Variants in KIF21A observed in about 807,000 individuals in gnomAD.
KIF21A encodes the protein kinesin family member 21A, also known as kinesin-like protein KIF21A.
A neutral mutation model predicts 202.9 loss-of-function variants in KIF21A; 114 were observed. The observed-to-expected ratio is 0.56, with a 90% confidence interval of 0.48 to 0.66. KIF21A has a LOEUF of 0.66. KIF21A is among the 30% of genes least tolerant of loss of function. The probability of loss-of-function intolerance (pLI) is 0.00; values close to 1 mark genes in which losing one functional copy is unlikely to be tolerated. For synonymous variants in KIF21A, 667 were observed against 670.8 expected (o/e 0.99, Z 0.09); for missense variants, 1,677 against 1,994.9 (o/e 0.84, Z 3.04).
intron 16 of KIF21A, among the ~76,000 whole-genome samples, chr12:39,338,059 T>C (rs1468852873): frequency 2.6e-5 from 4 of 152,128 alleles, no homozygotes; most frequent in South Asian, 4.1e-4. Flanking sequence ...GGCAAGCCCT[T>C]GAGAAGATAT....
intron 26 of KIF21A, among the ~76,000 whole-genome samples, chr12:39,324,104 T>C (rs919663904): frequency 1.3e-5 from 2 of 151,470 alleles, no homozygotes; most frequent in Admixed American, 6.6e-5. Context: ...AGCAAGACTC[T>C]GCCTCAAAAA....
intron 24 of KIF21A, among the ~76,000 whole-genome samples, chr12:39,326,554 G>C (rs559999389): frequency 6.6e-6 from 1 of 152,218 alleles, no homozygotes; most frequent in Non-Finnish European, 1.5e-5. Flanking sequence ...CCATGACTTT[G>C]AATGGTAAAC....
intron 1 of KIF21A, among the ~76,000 whole-genome samples, chr12:39,430,752 T>G (rs1937772891): frequency 6.6e-6 from 1 of 152,144 alleles, no homozygotes; most frequent in African/African-American, 2.4e-5. Flanking sequence ...ATTAGAAACT[T>G]AATCCCCAAA....
chr12:39,355,709 A>ATATATATATATATATATATATATG, intron 10 of KIF21A, among the ~76,000 whole-genome samples: 1 of 69,796 alleles, frequency 1.4e-5, no homozygotes, highest in Non-Finnish European at 3.0e-5. Flanking sequence ...ATGAACAATT[A>ATATATATATATATATATATATATG]TATATATATA....
intron 9 of KIF21A, 93 bp downstream of exon 9, chr12:39,357,155 C>CT (rs1948836408): frequency 9.1e-7 from 1 of 1,101,320 alleles, no homozygotes. Context: ...ACTGGCATTT[C>CT]TATTTCAACT....
At chr12:39,345,171 G>A (rs1463924799) in intron 12 of KIF21A, among the ~76,000 whole-genome samples, 1 of 152,178 alleles carries the variant, frequency 6.6e-6, no homozygotes, top group Non-Finnish European at 1.5e-5. Context: ...TGCTTTTGCT[G>A]TCCTTCAGGG....
At chr12:39,384,367 T>A (rs1465204983) in intron 1 of KIF21A, among the ~76,000 whole-genome samples, 1 of 152,174 alleles carries the variant, frequency 6.6e-6, no homozygotes, top group East Asian at 1.9e-4. Context: ...AAGTCAAATA[T>A]CTTCACACAA....
rs768325842 is a variant in KIF21A at position 39,294,567 on chromosome 12, A to G, written c.4932-50T>C. The stretch of plus-strand genomic sequence containing the variant: ...GATATATGAACAAGGGCAGAAAGAT[A>G]AAGAAATAGCTCTTATAATTACTTA... On this transcript the variant is annotated intron_variant, in intron 37 of 37. Transcript: ENST00000361418. The G allele has an allele frequency of 3.0e-6, 4 of 1,327,568 alleles. No individual in the cohort carries two copies. In the Admixed American group the frequency reaches 5.0e-5, roughly 17 times the overall value. The allele number at this position is 1,327,568 out of a possible 1,614,324, so 82.2% of individuals were successfully genotyped here.
intron 10 of KIF21A, among the ~76,000 whole-genome samples, chr12:39,353,990 G>A (rs923329930): frequency 6.6e-6 from 1 of 152,054 alleles, no homozygotes; most frequent in Non-Finnish European, 1.5e-5. Flanking sequence ...CACACTGAGG[G>A]CTTGCATGCC....
intron 1 of KIF21A, among the ~76,000 whole-genome samples, chr12:39,421,201 C>T (rs1954223326): frequency 6.6e-6 from 1 of 152,200 alleles, no homozygotes; most frequent in Non-Finnish European, 1.5e-5. Flanking sequence ...ACATGCTACA[C>T]AGGTTTGTAG....
chr12:39,348,812 A>G (rs1202311163), intron 11 of KIF21A, among the ~76,000 whole-genome samples: 2 of 151,942 alleles, frequency 1.3e-5, no homozygotes, highest in Non-Finnish European at 2.9e-5. Context: ...ACAAACAGAA[A>G]AAAAACCTTT....
chr12:39,383,834 T>C (rs1448632460), intron 1 of KIF21A, among the ~76,000 whole-genome samples: 1 of 152,094 alleles, frequency 6.6e-6, no homozygotes, highest in African/African-American at 2.4e-5. Flanking sequence ...TAAAAATATA[T>C]ATTATTAAAA....
At chr12:39,429,434 T>C (rs1442100733) in intron 1 of KIF21A, among the ~76,000 whole-genome samples, 1 of 152,192 alleles carries the variant, frequency 6.6e-6, no homozygotes, top group Non-Finnish European at 1.5e-5. Context: ...TTATCAAATA[T>C]AAATGCACTA....
chr12:39,307,163 G>A (rs1943556252), intron 34 of KIF21A, among the ~76,000 whole-genome samples: 1 of 151,750 alleles, frequency 6.6e-6, no homozygotes, highest in South Asian at 2.1e-4. Flanking sequence ...GCCCAAAGTT[G>A]TTAATTTTAT....
chr12:39,299,696 C>A (rs1942779548), intron 37 of KIF21A, among the ~76,000 whole-genome samples: 1 of 152,172 alleles, frequency 6.6e-6, no homozygotes, highest in Admixed American at 6.5e-5. Flanking sequence ...GACATGGAAT[C>A]AACCTAAATG....
In KIF21A at chr12:39,421,415, G is replaced by A. The variant is rs192186198; in HGVS notation, c.44+21512C>T. On this transcript the variant is annotated intron_variant, in intron 1 of 37. Transcript: ENST00000361418. ...TTAAAAATATGATAGGCAGATGGCC[G>A]AGCGCAGTGGCTCAAGCCTGTAATC... Among the ~76,000 whole-genome samples, 681 of 152,242 alleles carry A rather than the reference G, an allele frequency of 4.5e-3. 3 individuals are homozygous for A. The highest frequency in any genetic ancestry group is 7.3e-3 in the Non-Finnish European group (498 of 68,026).
intron 1 of KIF21A, among the ~76,000 whole-genome samples, chr12:39,419,864 G>C (rs779834645): frequency 2.0e-5 from 3 of 152,034 alleles, no homozygotes; most frequent in Non-Finnish European, 4.4e-5. Context: ...TAAAAGAAGA[G>C]AATTCTGGCA....
intron 16 of KIF21A, among the ~76,000 whole-genome samples, chr12:39,338,785 T>C (rs1947198549): frequency 6.6e-6 from 1 of 152,186 alleles, no homozygotes; most frequent in Non-Finnish European, 1.5e-5. Context: ...AAAAAAATAA[T>C]GTGCATGCCT....
intron 37 of KIF21A, 121 bp downstream of exon 37, chr12:39,301,359 A>G: frequency 1.1e-6 from 1 of 879,516 alleles, no homozygotes; most frequent in East Asian, 2.6e-5. Flanking sequence ...ATCTTAAAAC[A>G]GACATTAGAA....
Sources: allele counts gnomAD v4.1 joint callset (sites outside exome capture counted in the v4.1 genomes callset), GRCh38; gene constraint gnomAD v4.1.1; transcripts MANE v1.5; gene names NCBI Gene and HGNC (gene_info 2026-07-23, HGNC 2026-07-21).